LMBRD1: variants seen among roughly 807,000 people sequenced by gnomAD.
LMBRD1 encodes lysosomal cobalamin transport escort protein LMBD1.
In LMBRD1, 64 loss-of-function variants were observed where a neutral mutation model predicts 74.8. The observed-to-expected ratio is 0.86, with a 90% CI of 0.70 to 1.05. The LOEUF (loss-of-function observed/expected upper bound fraction) is 1.05, where lower values mean the gene tolerates loss of function less well. Ranked by LOEUF, LMBRD1 falls within the 50% of genes least tolerant of loss-of-function variation. The pLI, the probability that LMBRD1 is intolerant of heterozygous loss-of-function variation, is 0.00. For synonymous variants in LMBRD1, 204 were observed against 216.3 expected, an observed-to-expected ratio of 0.94 and a Z score of 0.50; for missense variants, 652 against 645.9, an observed-to-expected ratio of 1.01 and a Z score of -0.10.
In LMBRD1 at chr6:69,796,840, G is replaced by C; in HGVS notation, c.42C>G (p.Gly14=). ...GTAGTAAGAGGCCGAATATGCACCA[G>C]CCGATCACCAGCTCCGCCGAGGCCG... ...SGAASAELVI[G]WCIFGLLLLA... is the part of the protein sequence containing the mutation. The change falls in exon 1 of 16, where the codon GGC becomes GGG. Residue 14 remains glycine, a synonymous_variant. Coordinates refer to ENST00000649934, the MANE Select transcript of LMBRD1 (RefSeq NM_018368.4). The C allele has an allele frequency of 6.2e-7, 1 of 1,613,802 alleles. No individual in the cohort carries two copies. The highest frequency in any genetic ancestry group is 8.5e-7 in the Non-Finnish European group (1 of 1,179,954).
At position 69,722,293 on chromosome 6, in the gene LMBRD1, G is replaced by A. The variant is rs995960367; in HGVS notation, c.637-3212C>T. ...CTGCCCTGCAAGAAATGGCTAAAGG[G>A]AGTTCTTCAATCTGAAACAAAAGGA... On this transcript the variant is annotated intron_variant, in intron 7 of 15. Transcript: ENST00000649934. 2.0e-5 allele frequency among the ~76,000 whole-genome samples: 3 copies of A among 152,238 alleles called. No homozygotes were observed. The East Asian group carries it at 5.8e-4, about 29-fold the overall frequency.
intron 2 of LMBRD1, 48 bp from the exon 3 acceptor site, chr6:69,780,602 C>A (rs756338175): frequency 7.0e-7 from 1 of 1,425,786 alleles, no homozygotes; most frequent in South Asian, 1.1e-5. Context: ...ACCCATTTGC[C>A]TAACAATTAA....
intron 7 of LMBRD1, among the ~76,000 whole-genome samples, chr6:69,730,286 A>G (rs1766827639): frequency 6.6e-6 from 1 of 152,064 alleles, no homozygotes; most frequent in South Asian, 2.1e-4. Flanking sequence ...CTGGTTTCCA[A>G]CTCTGCAGGC....
At chr6:69,725,291 CA>C (rs1582091340) in intron 7 of LMBRD1, among the ~76,000 whole-genome samples, 1 of 151,324 alleles carries the variant, frequency 6.6e-6, no homozygotes, top group East Asian at 1.9e-4. Flanking sequence ...CTACTCAAAG[CA>C]ACCTACAGAT....
intron 14 of LMBRD1, among the ~76,000 whole-genome samples, chr6:69,678,394 T>G (rs922580247): frequency 1.3e-4 from 20 of 151,722 alleles, no homozygotes; most frequent in Non-Finnish European, 2.5e-4. Flanking sequence ...GTGAAGGAAG[T>G]AGAATAGGAG....
chr6:69,697,328 GATAA>G (rs1438902844), intron 14 of LMBRD1, among the ~76,000 whole-genome samples: 13 of 151,794 alleles, frequency 8.6e-5, no homozygotes, highest in South Asian at 2.1e-4. Context: ...TAGTAAATGT[GATAA>G]ATAAATAAAA....
chr6:69,676,318 T>C, intron 15 of LMBRD1, 47 bp from the exon 16 acceptor site: 2 of 1,596,358 alleles, frequency 1.3e-6, no homozygotes, highest in Non-Finnish European at 1.7e-6. Flanking sequence ...TTTAAAATCA[T>C]CTGGAAAGTA....
chr6:69,721,042 C>T lies in LMBRD1; in HGVS notation c.637-1961G>A, dbSNP rs1766603304. Among the ~76,000 whole-genome samples the T allele has an allele frequency of 1.3e-5, 2 of 152,202 alleles. 1 individual carries two copies. The highest frequency in any genetic ancestry group is 4.1e-4 in the South Asian group (2 of 4,834). On this transcript the variant is annotated intron_variant, in intron 7 of 15. Coordinates refer to ENST00000649934, the MANE Select transcript of LMBRD1 (RefSeq NM_018368.4). ...AGCTAGTGCCCATGCATAGAAGGAA[C>T]ATTTGCACCAACACCAGCCAGAGGG...
chr6:69,711,577 T>C (rs1582075510), intron 9 of LMBRD1, among the ~76,000 whole-genome samples: 1 of 152,156 alleles, frequency 6.6e-6, no homozygotes, highest in East Asian at 1.9e-4. Flanking sequence ...ATACTTTCAG[T>C]GCTATGAAGA....
At chr6:69,693,708 A>G (rs1765936156) in intron 14 of LMBRD1, among the ~76,000 whole-genome samples, 1 of 151,932 alleles carries the variant, frequency 6.6e-6, no homozygotes, top group South Asian at 2.1e-4. Context: ...ATACTGCTAT[A>G]CAAGTCCCTC....
At chr6:69,763,562 C>T (rs1364795620) in intron 3 of LMBRD1, among the ~76,000 whole-genome samples, 1 of 152,060 alleles carries the variant, frequency 6.6e-6, no homozygotes, top group Non-Finnish European at 1.5e-5. Context: ...AAGAATGTCC[C>T]CAAAGGTGAT....
chr6:69,747,289 G>C (rs1218993741), intron 5 of LMBRD1, among the ~76,000 whole-genome samples: 4 of 152,056 alleles, frequency 2.6e-5, no homozygotes, highest in Non-Finnish European at 5.9e-5. Flanking sequence ...CAAAGGAAAG[G>C]CCATGTGAAG....
chr6:69,792,563 GAACA>G (rs752174252), intron 1 of LMBRD1, among the ~76,000 whole-genome samples: 12 of 152,100 alleles, frequency 7.9e-5, no homozygotes, highest in Non-Finnish European at 1.2e-4. Context: ...TAAGACTTTG[GAACA>G]AACAAACAAA....
intron 9 of LMBRD1, among the ~76,000 whole-genome samples, chr6:69,707,715 A>G (rs1232602577): frequency 1.3e-5 from 2 of 152,166 alleles, no homozygotes; most frequent in African/African-American, 2.4e-5. Context: ...TTTAGTCTCA[A>G]TAATATCTTA....
chr6:69,755,706 A>G (rs1455400573), intron 3 of LMBRD1, among the ~76,000 whole-genome samples: 1 of 152,228 alleles, frequency 6.6e-6, no homozygotes, highest in African/African-American at 2.4e-5. Context: ...ACATAATCAA[A>G]TAAAATAATT....
chr6:69,705,322 T>G (rs1766228641), intron 9 of LMBRD1: 3 of 757,170 alleles, frequency 4.0e-6, no homozygotes, highest in Non-Finnish European at 7.2e-6. Flanking sequence ...AGATCTTGAA[T>G]AGCCTCCTGG....
At chr6:69,710,452 C>T (rs115062078) in intron 9 of LMBRD1, among the ~76,000 whole-genome samples, 1,729 of 152,094 alleles carry the variant, frequency 0.011, 34 homozygotes, top group African/African-American at 0.039. Flanking sequence ...TTTCTGAGGA[C>T]ACAAAAATAT....
chr6:69,756,085 G>A (rs1261443333), intron 3 of LMBRD1, among the ~76,000 whole-genome samples: 1 of 152,134 alleles, frequency 6.6e-6, no homozygotes, highest in African/African-American at 2.4e-5. Flanking sequence ...CAATTTCTGG[G>A]CATGGTGGCT....
chr6:69,778,614 T>A (rs1765755279), intron 3 of LMBRD1, among the ~76,000 whole-genome samples: 1 of 152,164 alleles, frequency 6.6e-6, no homozygotes, highest in African/African-American at 2.4e-5. Flanking sequence ...TCACTACACT[T>A]TAGTGTCATA....
Sources: allele counts gnomAD v4.1 joint callset (sites outside exome capture counted in the v4.1 genomes callset), GRCh38; gene constraint gnomAD v4.1.1; transcripts MANE v1.5; gene names NCBI Gene and HGNC (gene_info 2026-07-23, HGNC 2026-07-21).